GRIK4: variants seen among roughly 807,000 people sequenced by gnomAD.
GRIK4 encodes the protein glutamate receptor ionotropic, kainate 4.
A neutral mutation model predicts 104.9 loss-of-function variants in GRIK4; 40 were observed. That is an observed-to-expected ratio of 0.38 (90% CI 0.30 to 0.50). GRIK4 has a LOEUF of 0.50. Ranked by LOEUF, GRIK4 falls within the 20% of genes least tolerant of loss-of-function variation. GRIK4 has a pLI of 0.93. For synonymous variants in GRIK4, 485 were observed against 524.9 expected (o/e 0.92, Z 1.04); for missense variants, 1,047 against 1,308.1 (o/e 0.80, Z 3.08).
intron 8 of GRIK4, among the ~76,000 whole-genome samples, chr11:120,849,045 A>C (rs1439341383): frequency 6.6e-6 from 1 of 152,184 alleles, no homozygotes; most frequent in Admixed American, 6.5e-5. Flanking sequence ...GATGTTTGAC[A>C]AATAGCATGA....
intron 13 of GRIK4, among the ~76,000 whole-genome samples, chr11:120,914,041 G>C (rs1313651276): frequency 6.6e-6 from 1 of 152,202 alleles, no homozygotes; most frequent in Non-Finnish European, 1.5e-5. Flanking sequence ...CTCAGCGAGG[G>C]CTTTGCTTTA....
At chr11:120,679,917 C>T (rs79914670) in intron 3 of GRIK4, among the ~76,000 whole-genome samples, 1,608 of 152,308 alleles carry the variant, frequency 0.011, 21 homozygotes, top group African/African-American at 0.034. Flanking sequence ...GTACTGCAGA[C>T]GCTGGAGTCC....
intron 14 of GRIK4, among the ~76,000 whole-genome samples, chr11:120,946,337 A>G (rs11218072): frequency 0.24 from 36,048 of 152,074 alleles, 4,501 homozygotes; most frequent in East Asian, 0.36. Context: ...TTTGGCCCAT[A>G]GAACCCCCAC....
At chr11:120,786,824 T>G (rs906153469) in intron 3 of GRIK4, among the ~76,000 whole-genome samples, 1 of 152,166 alleles carries the variant, frequency 6.6e-6, no homozygotes, top group East Asian at 1.9e-4. Flanking sequence ...ACAGCAAATA[T>G]TTATTTACAG....
chr11:120,839,905 A>G (rs1953671590), intron 8 of GRIK4, among the ~76,000 whole-genome samples: 1 of 152,226 alleles, frequency 6.6e-6, no homozygotes, highest in African/African-American at 2.4e-5. Context: ...CTAAACCATC[A>G]GTTCATTTGA....
At chr11:120,901,118 C>A (rs1435997219) in intron 12 of GRIK4, among the ~76,000 whole-genome samples, 1 of 152,178 alleles carries the variant, frequency 6.6e-6, no homozygotes, top group Non-Finnish European at 1.5e-5. Context: ...TCTGCCTGTC[C>A]CCCGACCCTC....
chr11:120,584,676 A>G (rs1948635368), intron 1 of GRIK4, among the ~76,000 whole-genome samples: 1 of 152,218 alleles, frequency 6.6e-6, no homozygotes, highest in South Asian at 2.1e-4. Context: ...ATTTCAAGTG[A>G]GATTTGGGCA....
chr11:120,528,291 T>G (rs1481441828), intron 1 of GRIK4, among the ~76,000 whole-genome samples: 1 of 152,224 alleles, frequency 6.6e-6, no homozygotes, highest in African/African-American at 2.4e-5. Flanking sequence ...TTTTGTATTC[T>G]TAATAGAGAT....
chr11:120,877,907 C>A (rs568536440), intron 11 of GRIK4, among the ~76,000 whole-genome samples: 2 of 152,310 alleles, frequency 1.3e-5, no homozygotes, highest in African/African-American at 4.8e-5. Context: ...CATCAAGAGA[C>A]ACCTGCAGTG....
chr11:120,804,213 C>T (rs1434716398), intron 4 of GRIK4, among the ~76,000 whole-genome samples: 3 of 152,192 alleles, frequency 2.0e-5, no homozygotes, highest in Non-Finnish European at 2.9e-5. Flanking sequence ...CTTTCTAACC[C>T]GTTTCAACCT....
At chr11:120,945,417 C>A (rs1322915743) in intron 14 of GRIK4, among the ~76,000 whole-genome samples, 1 of 152,164 alleles carries the variant, frequency 6.6e-6, no homozygotes, top group Non-Finnish European at 1.5e-5. Flanking sequence ...TCTTGTCAGA[C>A]CATAGATTTT....
At chr11:120,683,826 A>G (rs1950234896) in intron 3 of GRIK4, among the ~76,000 whole-genome samples, 1 of 152,186 alleles carries the variant, frequency 6.6e-6, no homozygotes, top group South Asian at 2.1e-4. Flanking sequence ...TAGCCATAGA[A>G]AAGTAAAGAA....
At chr11:120,556,492 C>T (rs908008645) in intron 1 of GRIK4, among the ~76,000 whole-genome samples, 4 of 152,138 alleles carry the variant, frequency 2.6e-5, no homozygotes, top group Admixed American at 1.3e-4. Context: ...TACCTGCCCT[C>T]CACCCCTGAC....
intron 3 of GRIK4, among the ~76,000 whole-genome samples, chr11:120,768,973 T>C (rs903184104): frequency 6.6e-6 from 1 of 152,226 alleles, no homozygotes; most frequent in African/African-American, 2.4e-5. Context: ...TATATTAATG[T>C]TAATTAGAGA....
chr11:120,603,473 C>T (rs968687190), intron 1 of GRIK4, among the ~76,000 whole-genome samples: 15 of 152,198 alleles, frequency 9.9e-5, no homozygotes, highest in Admixed American at 2.0e-4. Flanking sequence ...GCCAGTTTAC[C>T]TGCACAGTAC....
chr11:120,832,072 C>T (rs1457021455), intron 7 of GRIK4, 42 bp downstream of exon 7: 14 of 1,393,940 alleles, frequency 1.0e-5, no homozygotes, highest in African/African-American at 1.4e-5. Context: ...CTGAGCTCCA[C>T]CCTCCCCCCT....
In GRIK4 at chr11:120,671,964, G is replaced by T. The variant is rs114445078; in HGVS notation, c.82+11564G>T. Among the ~76,000 whole-genome samples the T allele has an allele frequency of 6.0e-3, 912 of 152,246 alleles. 6 individuals carry two copies. Among genetic ancestry groups the T allele is most frequent in the African/African-American group, 0.021 (889 of 41,546 alleles). On this transcript the variant is annotated intron_variant, in intron 3 of 20. Coordinates refer to ENST00000527524, the MANE Select transcript of GRIK4 (RefSeq NM_014619.5). ...CGTATGTTGTATTTCTGAGGTCTCC[G>T]TTCTGTTCTATTGATCTGTATATCT...
Position 120,805,006 on chromosome 11 carries a change from T to G in GRIK4, c.247+2149T>G, listed in dbSNP as rs965433880. 5.9e-5 allele frequency among the ~76,000 whole-genome samples: 9 copies of G among 152,320 alleles called. No homozygotes were observed. The East Asian group carries it at 1.7e-3, about 29-fold the overall frequency. ...AACAAGGGCCAAAATAGTCCCTCAT[T>G]TATTCATTCGGTCAGTAAGTGTTTA... On this transcript the variant is annotated intron_variant, in intron 4 of 20. Transcript: ENST00000527524.
chr11:120,655,212 AG>A (rs906769850), intron 2 of GRIK4, among the ~76,000 whole-genome samples: 1 of 151,512 alleles, frequency 6.6e-6, no homozygotes, highest in African/African-American at 2.4e-5. Context: ...GCAGATGGGG[AG>A]GGGATCACAG....
Sources: allele counts gnomAD v4.1 joint callset (sites outside exome capture counted in the v4.1 genomes callset), GRCh38; gene constraint gnomAD v4.1.1; transcripts MANE v1.5; gene names NCBI Gene and HGNC (gene_info 2026-07-23, HGNC 2026-07-21).